Variants in GHR observed in about 807,000 individuals in gnomAD.
The protein encoded by GHR is GH receptor.
GHR carries 35 observed loss-of-function variants against 67.1 expected under a neutral mutation model. The ratio of observed to expected loss-of-function variants is 0.52; its 90% CI spans 0.40 to 0.69. The LOEUF is 0.69. Ranked by LOEUF, GHR falls within the 30% of genes least tolerant of loss-of-function variation. The pLI is 0.00. For missense variants in GHR, 792 were observed against 764.6 expected, an observed-to-expected ratio of 1.04 and a Z score of -0.42; for synonymous variants, 272 against 269.1, an observed-to-expected ratio of 1.01 and a Z score of -0.10.
chr5:42,708,843 G>T (rs111585513), intron 6 of GHR, among the ~76,000 whole-genome samples: 122 of 152,182 alleles, frequency 8.0e-4, no homozygotes, highest in African/African-American at 2.7e-3. Flanking sequence ...ACTTTTCGTG[G>T]CACCTCTGCT....
intron 1 of GHR, among the ~76,000 whole-genome samples, chr5:42,506,255 A>AT (rs1044640136): frequency 1.3e-5 from 2 of 152,104 alleles, no homozygotes; most frequent in Non-Finnish European, 2.9e-5. Context: ...TTAATGTGGA[A>AT]TTTTTTTCCC....
At chr5:42,471,913 T>C (rs908544173) in intron 1 of GHR, among the ~76,000 whole-genome samples, 4 of 152,114 alleles carry the variant, frequency 2.6e-5, no homozygotes, top group African/African-American at 4.8e-5. Context: ...TGAAAAACAA[T>C]CAACATTATT....
chr5:42,499,353 C>T (rs1208561494), intron 1 of GHR, among the ~76,000 whole-genome samples: 1 of 152,194 alleles, frequency 6.6e-6, no homozygotes, highest in South Asian at 2.1e-4. Context: ...CTTTTATCTT[C>T]CAGTCACCAT....
At chr5:42,451,578 C>T (rs575319850) in intron 1 of GHR, among the ~76,000 whole-genome samples, 9 of 151,850 alleles carry the variant, frequency 5.9e-5, no homozygotes, top group East Asian at 3.9e-4. Context: ...TGGTGGTGTG[C>T]GCCTGCAGTC....
At chr5:42,468,843 G>C (rs1744866651) in intron 1 of GHR, 5 of 980,460 alleles carry the variant, frequency 5.1e-6, no homozygotes, top group Admixed American at 5.0e-5. Context: ...GGCAGCTGAA[G>C]CCTTCCTGTA....
At chr5:42,674,392 T>C (rs1756467175) in intron 3 of GHR, among the ~76,000 whole-genome samples, 1 of 152,220 alleles carries the variant, frequency 6.6e-6, no homozygotes, top group African/African-American at 2.4e-5. Flanking sequence ...ACCTTTTTAA[T>C]CTCAAAGTGG....
chr5:42,699,881 G>C lies in GHR; in HGVS notation c.497G>C (p.Gly166Ala). 1 of 1,608,830 alleles carries C rather than the reference G, an allele frequency of 6.2e-7. No individual in the cohort carries two copies. The highest frequency in any genetic ancestry group is 8.5e-7 in the Non-Finnish European group (1 of 1,175,288). The change falls in exon 6 of 10, where the codon GGG becomes GCG. Residue 166 changes from glycine (G) to alanine (A), a missense_variant. Gly to Ala is a moderately conservative substitution (Grantham distance 60). Transcript: ENST00000230882. ...NWTLLNVSLTGIHADIQVRWE... is the reference protein window; with the variant it reads ...NWTLLNVSLTAIHADIQVRWE... ...ACTTTACTGAACGTCAGTTTAACTG[G>C]GATTCATGCAGATATCCAAGTGAGA...
At chr5:42,596,156 G>T (rs1180389112) in intron 2 of GHR, among the ~76,000 whole-genome samples, 1 of 152,140 alleles carries the variant, frequency 6.6e-6, no homozygotes, top group African/African-American at 2.4e-5. Flanking sequence ...AATTAAAATT[G>T]ATTCTCTATA....
chr5:42,574,110 C>T (rs1240522234), intron 2 of GHR, among the ~76,000 whole-genome samples: 1 of 152,170 alleles, frequency 6.6e-6, no homozygotes, highest in Non-Finnish European at 1.5e-5. Context: ...GCCACTGACC[C>T]ACTGCATCCC....
At chr5:42,484,267 G>A (rs750825024) in intron 1 of GHR, among the ~76,000 whole-genome samples, 7 of 152,194 alleles carry the variant, frequency 4.6e-5, no homozygotes, top group Non-Finnish European at 8.8e-5. Context: ...GAACTTTCAA[G>A]ACTCATGTGT....
intron 1 of GHR, among the ~76,000 whole-genome samples, chr5:42,480,997 AT>A (rs1333460471): frequency 6.6e-6 from 1 of 151,976 alleles, no homozygotes; most frequent in Non-Finnish European, 1.5e-5. Flanking sequence ...GGTCTTTACA[AT>A]TTGGCATGTT....
At chr5:42,684,534 A>G (rs1561225826) in intron 3 of GHR, among the ~76,000 whole-genome samples, 1 of 152,210 alleles carries the variant, frequency 6.6e-6, no homozygotes, top group Non-Finnish European at 1.5e-5. Flanking sequence ...TCAGTGCTTT[A>G]CTGTATGAGA....
chr5:42,636,460 T>C (rs1175891420), intron 3 of GHR, among the ~76,000 whole-genome samples: 1 of 152,186 alleles, frequency 6.6e-6, no homozygotes, highest in Non-Finnish European at 1.5e-5. Context: ...TTGTGACCTT[T>C]TTGGTTGTGA....
At chr5:42,588,815 C>T (rs1751630306) in intron 2 of GHR, among the ~76,000 whole-genome samples, 1 of 152,176 alleles carries the variant, frequency 6.6e-6, no homozygotes, top group Non-Finnish European at 1.5e-5. Flanking sequence ...GTCAACTACA[C>T]TTGAAAATTA....
At chr5:42,700,655 A>G (rs1299064570) in intron 6 of GHR, among the ~76,000 whole-genome samples, 3 of 152,122 alleles carry the variant, frequency 2.0e-5, no homozygotes, top group African/African-American at 4.8e-5. Context: ...GCTGCTCCCA[A>G]TATAACTAAT....
chr5:42,576,046 TAATAAAATAAAATAAAATAAAATAAAATA>T (rs1750654626), intron 2 of GHR, among the ~76,000 whole-genome samples: 1 of 55,886 alleles, frequency 1.8e-5, no homozygotes, highest in African/African-American at 6.9e-5. Flanking sequence ...AAAATTAAAA[TAATAAAATAAAATAAAATAAAATAAAATA>T]AAATAAAATA....
intron 3 of GHR, among the ~76,000 whole-genome samples, chr5:42,662,844 T>C (rs1291013125): frequency 2.0e-5 from 3 of 151,944 alleles, no homozygotes; most frequent in Non-Finnish European, 4.4e-5. Context: ...ATCAACAAAA[T>C]TGATAGACCA....
In GHR at chr5:42,719,516, T is replaced by C. The variant is rs1232877427; in HGVS notation, c.*92T>C. 3.2e-6 allele frequency: 4 copies of C among 1,245,458 alleles called. No individual in the cohort carries two copies. The highest frequency in any genetic ancestry group is 2.9e-5 in the African/African-American group (2 of 68,056). 77.2% of individuals were successfully genotyped at this position (1,245,458 alleles called of 1,614,324 possible). A position where few individuals can be genotyped will look rare whatever the true frequency, so the allele number is the denominator to read the frequency against. ...AGCCAAAACAATGTTTAAACCTTTT[T>C]TGGGGGAGTGACAGGATGGGGTATG... On this transcript the variant is annotated 3_prime_UTR_variant, in exon 10 of 10. Transcript: ENST00000230882.
intron 3 of GHR, among the ~76,000 whole-genome samples, chr5:42,680,421 A>T (rs1453435890): frequency 2.0e-5 from 3 of 151,976 alleles, no homozygotes; most frequent in Non-Finnish European, 4.4e-5. Context: ...GCCAAAAGTC[A>T]TTTGATCCAA....
Sources: gnomAD v4.1 joint callset for allele counts (sites outside exome capture counted in the v4.1 genomes callset) on GRCh38, gnomAD v4.1.1 for gene constraint, MANE v1.5 for transcripts, NCBI Gene and HGNC (gene_info 2026-07-23, HGNC 2026-07-21) for gene names.